The following IZUMO1 variants were observed in gnomAD, a reference collection of about 807,000 sequenced individuals.
IZUMO1 encodes izumo sperm-egg fusion protein 1.
Under a neutral mutation model 40.7 loss-of-function variants are expected in IZUMO1, and 44 were observed. That is an observed-to-expected ratio of 1.08 (90% CI 0.85 to 1.39). IZUMO1 has a LOEUF of 1.39. IZUMO1 is among the 40% of genes most tolerant of loss of function. IZUMO1 has a pLI of 0.00. For missense variants in IZUMO1, 368 were observed against 436.9 expected, an observed-to-expected ratio of 0.84 and a Z score of 1.41; for synonymous variants, 149 against 170.9, an observed-to-expected ratio of 0.87 and a Z score of 1.00.
intron 6 of IZUMO1, among the ~76,000 whole-genome samples, chr19:48,742,722 TC>T (rs2033750214): frequency 2.7e-5 from 3 of 110,496 alleles, no homozygotes; most frequent in African/African-American, 1.1e-4. Context: ...TCTTTCTCTC[TC>T]TCTTTTTTTT....
chr19:48,741,808 G>T lies in IZUMO1; in HGVS notation c.735C>A (p.Ile245=). 2 of 1,593,226 alleles carry T rather than the reference G, an allele frequency of 1.3e-6. No individual in the cohort carries two copies. The highest frequency in any genetic ancestry group is 8.6e-7 in the Non-Finnish European group (1 of 1,165,424). Residue 245 remains isoleucine, a synonymous_variant, in exon 8 of 10, where the codon ATC becomes ATA. Coordinates refer to ENST00000332955, the MANE Select transcript of IZUMO1 (RefSeq NM_182575.3). This position sits in a 1 kb window ranked among gnomAD's most constrained non-coding sequence, Gnocchi z 4.4. ...ACTGACCTGTGACGTGAAAATTGAT[G>T]ATCGTGGCTGGGCTGGAATTCACAG... ...LGSVNSSPAT[I]INFHVTVLPK... is the part of the protein sequence containing the mutation.
chr19:48,744,562 A>T, intron 3 of IZUMO1, 23 bp from the exon 4 acceptor site: 1 of 1,549,018 alleles, frequency 6.5e-7, no homozygotes, highest in East Asian at 2.3e-5. Flanking sequence ...AGGAACCCCC[A>T]ATCCCACGTG....
intron 6 of IZUMO1, 25 bp downstream of exon 6, chr19:48,743,420 C>T: frequency 6.2e-7 from 1 of 1,613,484 alleles, no homozygotes; most frequent in Non-Finnish European, 8.5e-7. Flanking sequence ...GCACCAATTC[C>T]TCCTGCTGGG....
In IZUMO1 at chr19:48,741,014, C is replaced by A; in HGVS notation, c.947G>T (p.Arg316Met). 1 of 1,614,066 alleles carries A rather than the reference C, an allele frequency of 6.2e-7. No homozygotes were observed. The highest frequency in any genetic ancestry group is 8.5e-7 in the Non-Finnish European group (1 of 1,179,996). ...GGATTTGATGAAATCGATCACCTTC[C>A]TTCGACGAAATATCCTAGGGGTGGG... Reference protein sequence around the residue: ...TGLTFAIFRRRKVIDFIKSSL... With the variant: ...TGLTFAIFRRMKVIDFIKSSL... Residue 316 changes from arginine (R) to methionine (M), a missense_variant, in exon 10 of 10, where the codon AGG becomes ATG. Transcript: ENST00000332955. The surrounding 1 kb of genome is among the most constrained non-coding windows in gnomAD (Gnocchi z 4.4).
Position 48,745,685 on chromosome 19 carries a change from T to G in IZUMO1, c.175A>C (p.Asn59His). The change falls in exon 2 of 10, where the codon AAT (asparagine) becomes CAT (histidine). Residue 59 changes from asparagine to histidine, a missense_variant. Coordinates refer to ENST00000332955, the MANE Select transcript of IZUMO1 (RefSeq NM_182575.3). Reference protein sequence around the residue: ...HHKAMMERVENAVKDFQELSL... With the variant: ...HHKAMMERVEHAVKDFQELSL... Reference sequence around the variant, plus strand: ...AGTTCCTGGAAATCCTTCACGGCATTCTCTACCCTTTCCATCATGGCTTTG... The same window carrying G: ...AGTTCCTGGAAATCCTTCACGGCATGCTCTACCCTTTCCATCATGGCTTTG... 6.2e-7 allele frequency: 1 copy of G among 1,614,148 alleles called. No homozygotes were observed.
Position 48,741,323 on chromosome 19 carries a change from G to T in IZUMO1, c.910C>A (p.Leu304Met), listed in dbSNP as rs901315547. 4 of 1,607,484 alleles carry T rather than the reference G, an allele frequency of 2.5e-6. No homozygotes were observed. The highest frequency in any genetic ancestry group is 1.7e-5 in the Admixed American group (1 of 59,868). ...LGLLICGSLA[L>M]ITGLTFAIFR... is the part of the protein sequence containing the mutation. ...TACGCAAAGGTAAGGCCGGTTATCAGTGCTAGGGAGCCGCAGATCAGCAGC... is the reference window on the plus strand; with the variant it reads ...TACGCAAAGGTAAGGCCGGTTATCATTGCTAGGGAGCCGCAGATCAGCAGC... The change falls in exon 9 of 10, where the codon CTG becomes ATG. Residue 304 changes from leucine (L) to methionine (M), a missense_variant. Physicochemically the swap from Leu to Met is conservative, Grantham distance 15. Transcript: ENST00000332955. This position sits in a 1 kb window ranked among gnomAD's most constrained non-coding sequence, Gnocchi z 4.4.
In IZUMO1 at chr19:48,746,014, G is replaced by A; in HGVS notation, c.-73-82C>T. 2.1e-6 allele frequency: 3 copies of A among 1,447,622 alleles called. No individual in the cohort carries two copies. The South Asian group carries it at 4.5e-5, about 22-fold the overall frequency. 89.7% of individuals were successfully genotyped at this position (1,447,622 alleles called of 1,614,324 possible). A position where few individuals can be genotyped will look rare whatever the true frequency, so the allele number is the denominator to read the frequency against. ...TGGGGTCCGCAAACCTCGAAAAGAG[G>A]ATCTTCAGGAAATCTCCAAATAAAG... On this transcript the variant is annotated intron_variant, in intron 1 of 9. Coordinates refer to ENST00000332955, the MANE Select transcript of IZUMO1 (RefSeq NM_182575.3).
At position 48,742,228 on chromosome 19, in the gene IZUMO1, G is replaced by A. The variant is rs2033724529; in HGVS notation, c.581C>T (p.Thr194Ile). 6.2e-7 allele frequency: 1 copy of A among 1,613,748 alleles called. No individual in the cohort carries two copies. The highest frequency in any genetic ancestry group is 1.1e-5 in the South Asian group (1 of 91,070). Reference sequence around the variant, plus strand: ...CCTCACCCTGTAAAAGCTGTAATCAGTGAGGCCTTCCGAAGCCTGATGCCA... The same window carrying A: ...CCTCACCCTGTAAAAGCTGTAATCAATGAGGCCTTCCGAAGCCTGATGCCA... ...LNWHQASEGL[T>I]DYSFYRVWGN... Residue 194 changes from threonine to isoleucine, a missense_variant, in exon 7 of 10, where the codon ACT becomes ATT. By Grantham distance (89) the Thr-to-Ile change is moderately conservative. Transcript: ENST00000332955.
chr19:48,743,858 G>T (rs1483163596), intron 5 of IZUMO1: 4 of 472,672 alleles, frequency 8.5e-6, no homozygotes, highest in Non-Finnish European at 1.1e-5. Context: ...GGGTGTGATG[G>T]CGGGCACCTG....
chr19:48,745,850 GCGGCC>G lies in IZUMO1; in HGVS notation c.5_9del (p.Gly2AlafsTer23), dbSNP rs1222744640. The G allele has an allele frequency of 6.2e-7, 1 of 1,614,166 alleles. No homozygotes were observed. Among genetic ancestry groups the G allele is most frequent in the East Asian group, 2.2e-5 (1 of 44,884 alleles). ...AGCGCCGCACACAGGAGGGTAAAATGCGGCCCCATTGCAGCCGGCGCGCACAGTTC... is the reference window on the plus strand; with the variant it reads ...AGCGCCGCACACAGGAGGGTAAAATGCCATTGCAGCCGGCGCGCACAGTTC... On this transcript the variant is annotated frameshift_variant, in exon 2 of 10. Transcript: ENST00000332955. LOFTEE classifies it high-confidence loss of function.
Position 48,741,857 on chromosome 19 carries a change from C to T in IZUMO1, c.686G>A (p.Gly229Asp), listed in dbSNP as rs1407509310. ...TKPMVGPEDA[G>D]SYRCELGSVN... ...AGAGCCCAGCTCGCAGCGGTAGCTG[C>T]CTGCATCCTCTGGACCCACCATGGG... Residue 229 changes from glycine (G) to aspartate (D), a missense_variant, in exon 8 of 10, where the codon GGC (glycine) becomes GAC (aspartate). Transcript: ENST00000332955. The surrounding 1 kb of genome is among the most constrained non-coding windows in gnomAD (Gnocchi z 4.4). The T allele has an allele frequency of 6.2e-7, 1 of 1,611,726 alleles. No individual in the cohort carries two copies. The highest frequency in any genetic ancestry group is 2.2e-5 in the East Asian group (1 of 44,778).
rs978576645 is a variant in IZUMO1 at position 48,742,039 on chromosome 19, A to G, written c.601-97T>C. The G allele has an allele frequency of 4.6e-5, 71 of 1,534,784 alleles. No homozygotes were observed. In the African/African-American group the frequency reaches 8.1e-4, roughly 18 times the overall value. The stretch of plus-strand genomic sequence containing the variant: ...TCACAGGGCCTCAGTGTGGGAGGTG[A>G]GTGTCCAGGGTGTCACTGGTCAGGG... On this transcript the variant is annotated intron_variant, in intron 7 of 9. Transcript: ENST00000332955.
chr19:48,745,968 T>C, intron 1 of IZUMO1, 36 bp from the exon 2 acceptor site: 1 of 1,522,474 alleles, frequency 6.6e-7, no homozygotes, highest in Non-Finnish European at 8.8e-7. Context: ...TCTTAAGAAA[T>C]CCCACTGGGC....
At chr19:48,742,058 G>C in intron 7 of IZUMO1, 116 bp from the exon 8 acceptor site, 6 of 1,524,650 alleles carry the variant, frequency 3.9e-6, no homozygotes, top group Non-Finnish European at 5.3e-6. Flanking sequence ...GGTGTCACTG[G>C]TCAGGGCACG....
At position 48,741,213 on chromosome 19, in the gene IZUMO1, T is replaced by C. The variant is rs2033676860; in HGVS notation, c.932+88A>G. On this transcript the variant is annotated intron_variant, in intron 9 of 9. Coordinates refer to ENST00000332955, the MANE Select transcript of IZUMO1 (RefSeq NM_182575.3). The surrounding 1 kb of genome is among the most constrained non-coding windows in gnomAD (Gnocchi z 4.4). The stretch of plus-strand genomic sequence containing the variant: ...GGAAAGTCCTGCTCTCAGGCCTCAG[T>C]AGCCCCCAGACCAGCTTCTGTGTTG... 6.9e-7 allele frequency: 1 copy of C among 1,454,500 alleles called. No individual in the cohort carries two copies. Among genetic ancestry groups the C allele is most frequent in the African/African-American group, 1.4e-5 (1 of 71,180 alleles). 90.1% of individuals were successfully genotyped at this position (1,454,500 alleles called of 1,614,324 possible).
At chr19:48,744,262 G>A (rs367665173) in intron 4 of IZUMO1, 67 bp from the exon 5 acceptor site, 11 of 1,504,886 alleles carry the variant, frequency 7.3e-6, no homozygotes, top group East Asian at 4.5e-5. Flanking sequence ...AATGAAAGAC[G>A]ATGGAAGAGG....
chr19:48,744,019 G>T (rs2033803602), intron 5 of IZUMO1, 156 bp downstream of exon 5: 2 of 714,444 alleles, frequency 2.8e-6, no homozygotes, highest in South Asian at 3.3e-5. Flanking sequence ...AATATGACCT[G>T]CTCCCCAAGA....
chr19:48,745,545 G>A (rs1363488072), intron 2 of IZUMO1, 80 bp downstream of exon 2: 3 of 1,535,628 alleles, frequency 2.0e-6, no homozygotes, highest in Admixed American at 3.5e-5. Context: ...CGGAGACCCT[G>A]CTGTCAGCCT....
In IZUMO1 at chr19:48,745,879, T is replaced by C; in HGVS notation, c.-20A>G. 6.2e-7 allele frequency: 1 copy of C among 1,613,266 alleles called. No homozygotes were observed. Among genetic ancestry groups the C allele is most frequent in the Non-Finnish European group, 8.5e-7 (1 of 1,179,490 alleles). ...CCCCATTGCAGCCGGCGCGCACAGT[T>C]CCCGAAGACCGTTAGGAAGGGTGCT... On this transcript the variant is annotated 5_prime_UTR_variant, in exon 2 of 10. Coordinates refer to ENST00000332955, the MANE Select transcript of IZUMO1 (RefSeq NM_182575.3).
Sources: allele counts gnomAD v4.1 joint callset (sites outside exome capture counted in the v4.1 genomes callset), GRCh38; gene constraint gnomAD v4.1.1; non-coding constraint Gnocchi (gnomAD v3.1); transcripts MANE v1.5; gene names NCBI Gene and HGNC (gene_info 2026-07-23, HGNC 2026-07-21).